Variants in KLC3 observed in about 807,000 individuals in gnomAD.
The protein encoded by KLC3 is kinesin light chain 2.
KLC3 carries 72 observed loss-of-function variants against 62.9 expected under a neutral mutation model. The ratio of observed to expected loss-of-function variants is 1.15; its 90% CI spans 0.95 to 1.39. The LOEUF (loss-of-function observed/expected upper bound fraction) is 1.39. Ranked by LOEUF, KLC3 falls within the 40% of genes most tolerant of loss-of-function variation. The pLI is 0.00. For synonymous variants in KLC3, 377 were observed against 300.5 expected, an observed-to-expected ratio of 1.25 and a Z score of -2.63; for missense variants, 848 against 691.6, an observed-to-expected ratio of 1.23 and a Z score of -2.54.
chr19:45,350,115 G>T, intron 8 of KLC3: 1 of 558,920 alleles, frequency 1.8e-6, no homozygotes, highest in Non-Finnish European at 3.2e-6. Context: ...GAAGGATACG[G>T]CCAGGTCAGC....
chr19:45,341,019 C>T (rs961184146), intron 1 of KLC3, among the ~76,000 whole-genome samples, 173 bp downstream of exon 1: 33 of 152,076 alleles, frequency 2.2e-4, no homozygotes, highest in African/African-American at 7.5e-4. Context: ...TCCCATGCCC[C>T]CCACCCCAGC....
chr19:45,347,645 T>C (rs1971535978), intron 4 of KLC3, 129 bp downstream of exon 4: 1 of 833,136 alleles, frequency 1.2e-6, no homozygotes, highest in East Asian at 2.6e-5. Flanking sequence ...GGACCCTGAA[T>C]GTGACAGTGC....
At chr19:45,348,250 C>A in intron 5 of KLC3, 90 bp downstream of exon 5, 1 of 1,210,640 alleles carries the variant, frequency 8.3e-7, no homozygotes, top group Non-Finnish European at 1.2e-6. Context: ...CCTCTGTCAC[C>A]ATGGAGCACC....
chr19:45,351,365 TGAAC>T lies in KLC3; in HGVS notation c.*9_*12del. 1 of 1,609,680 alleles carries T rather than the reference TGAAC, an allele frequency of 6.2e-7. No individual in the cohort carries two copies. Among genetic ancestry groups the T allele is most frequent in the Non-Finnish European group, 8.5e-7 (1 of 1,179,978 alleles). On this transcript the variant is annotated 3_prime_UTR_variant, in exon 13 of 13. Coordinates refer to ENST00000391946, the MANE Select transcript of KLC3 (RefSeq NM_177417.3). ...GACCTGAGCCCCCACTAACGTCCAG[TGAAC>T]TGCGCTGGCCGCAGCTTCTTGGGAA...
At chr19:45,342,976 G>C (rs1017339372) in intron 1 of KLC3, among the ~76,000 whole-genome samples, 1 of 152,164 alleles carries the variant, frequency 6.6e-6, no homozygotes, top group Non-Finnish European at 1.5e-5. Context: ...TGAAGTGTGC[G>C]AGAACGTGGC....
At chr19:45,348,552 G>T in intron 5 of KLC3, 94 bp from the exon 6 acceptor site, 1 of 1,261,300 alleles carries the variant, frequency 7.9e-7, no homozygotes, top group Non-Finnish European at 1.1e-6. Context: ...GTTCAGCCAG[G>T]TTCCCTGGGC....
Position 45,349,464 on chromosome 19 carries a change from G to T in KLC3, c.1005G>T (p.Gln335His), listed in dbSNP as rs376078212. 6.2e-7 allele frequency: 1 copy of T among 1,613,138 alleles called. No homozygotes were observed. Among genetic ancestry groups the T allele is most frequent in the African/African-American group, 1.3e-5 (1 of 74,914 alleles). Residue 335 changes from glutamine (Q) to histidine (H), a missense_variant, in exon 8 of 13, where the codon CAG (glutamine) becomes CAT (histidine). Coordinates refer to ENST00000391946, the MANE Select transcript of KLC3 (RefSeq NM_177417.3). The stretch of plus-strand genomic sequence containing the variant: ...CTGACCACCCAGATGTGGCCAAGCA[G>T]CTCAACAACCTGGCCCTGCTGTGCC... ...LGADHPDVAK[Q>H]LNNLALLCQN...
chr19:45,350,876 C>T (rs772438575), intron 11 of KLC3, 78 bp from the exon 12 acceptor site: 79 of 1,320,632 alleles, frequency 6.0e-5, no homozygotes, highest in Non-Finnish European at 7.7e-5. Flanking sequence ...ACAGATCAAA[C>T]CCTGTGCTGG....
Position 45,349,419 on chromosome 19 carries a change from T to G in KLC3, c.970-10T>G, listed in dbSNP as rs541470695. 3.1e-6 allele frequency: 5 copies of G among 1,596,698 alleles called. No individual in the cohort carries two copies. The South Asian group carries it at 4.5e-5, about 14-fold the overall frequency. On this transcript the variant is annotated splice_polypyrimidine_tract_variant and intron_variant, in intron 7 of 12. Transcript: ENST00000391946. The stretch of plus-strand genomic sequence containing the variant: ...TATGATCCCTCTGACTTGTGACCCC[T>G]GGCCCCCAGGTCCTGGGTGCTGACC...
At chr19:45,345,138 G>A in intron 1 of KLC3, 1 of 345,792 alleles carries the variant, frequency 2.9e-6, no homozygotes, top group Non-Finnish European at 5.3e-6. Context: ...AGGTCACACG[G>A]CCAACCGGGA....
intron 8 of KLC3, 24 bp from the exon 9 acceptor site, chr19:45,350,317 T>G: frequency 6.2e-7 from 1 of 1,604,168 alleles, no homozygotes; most frequent in Non-Finnish European, 8.5e-7. Flanking sequence ...TCCGAAAAGT[T>G]CCCAGACACT....
Position 45,345,817 on chromosome 19 carries a change from G to A in KLC3, c.258+18G>A. ...AGGCCCAGGTATGAGGGGGCCAGGT[G>A]GGGAGCTGGGGGAAGGTCAGCTGAG... On this transcript the variant is annotated intron_variant, in intron 2 of 12. Coordinates refer to ENST00000391946, the MANE Select transcript of KLC3 (RefSeq NM_177417.3). 6.5e-7 allele frequency: 1 copy of A among 1,537,388 alleles called. No homozygotes were observed. Among genetic ancestry groups the A allele is most frequent in the Non-Finnish European group, 8.7e-7 (1 of 1,142,958 alleles).
At position 45,345,642 on chromosome 19, in the gene KLC3, TG is replaced by T; in HGVS notation, c.103del (p.Glu35ArgfsTer37). 6.3e-7 allele frequency: 1 copy of T among 1,584,676 alleles called. No homozygotes were observed. Among genetic ancestry groups the T allele is most frequent in the African/African-American group, 1.3e-5 (1 of 74,628 alleles). On this transcript the variant is annotated frameshift_variant, in exon 2 of 13. Transcript: ENST00000391946. LOFTEE classifies it high-confidence loss of function. ...CAGACGCGGCAAGTGGTCCAGGGGC[TG>T]GAGGCGCTGCGGGCAGAGCACCATG... Reference protein sequence around the residue: ...VRQTRQVVQGLEALRAEHHGL... With the variant: ...VRQTRQVVQGXEALRAEHHGL...
chr19:45,345,891 G>A (rs553536391), intron 2 of KLC3, 92 bp downstream of exon 2: 2 of 1,228,476 alleles, frequency 1.6e-6, no homozygotes, highest in Admixed American at 4.2e-5. Context: ...AGGGGACTGG[G>A]AGAGGGTTCA....
intron 1 of KLC3, among the ~76,000 whole-genome samples, chr19:45,341,679 G>A (rs978332252): frequency 2.0e-5 from 3 of 151,690 alleles, no homozygotes; most frequent in Non-Finnish European, 4.4e-5. Flanking sequence ...GGGGCTGGGC[G>A]GAACTGTGTC....
chr19:45,342,309 G>T (rs2123173385), intron 1 of KLC3, among the ~76,000 whole-genome samples: 1 of 152,190 alleles, frequency 6.6e-6, no homozygotes, highest in South Asian at 2.1e-4. Context: ...AGATTGGCCG[G>T]GTGCAGTGGC....
At chr19:45,344,175 GTGTAAC>G (rs1971443324) in intron 1 of KLC3, among the ~76,000 whole-genome samples, 1 of 148,942 alleles carries the variant, frequency 6.7e-6, no homozygotes, top group Non-Finnish European at 1.5e-5. Context: ...GTGTGTGTGT[GTGTAAC>G]TGTATTTCTG....
chr19:45,348,482 G>A (rs1216304642), intron 5 of KLC3, among the ~76,000 whole-genome samples, 164 bp from the exon 6 acceptor site: 1 of 152,126 alleles, frequency 6.6e-6, no homozygotes, highest in Non-Finnish European at 1.5e-5. Context: ...CAGTGTTAGA[G>A]AATTGCGAAA....
Position 45,349,556 on chromosome 19 carries a change from T to G in KLC3, c.1097T>G (p.Leu366Arg), listed in dbSNP as rs746432044. The G allele has an allele frequency of 1.1e-5, 17 of 1,613,736 alleles. No individual in the cohort carries two copies. The highest frequency in any genetic ancestry group is 2.7e-5 in the African/African-American group (2 of 74,994). Reference sequence around the variant, plus strand: ...CGGGCCCTGAGCATCTATGAGGCACTGGGCGGGCCCCATGACCCCAACGTG... The same window carrying G: ...CGGGCCCTGAGCATCTATGAGGCACGGGGCGGGCCCCATGACCCCAACGTG... ...YARALSIYEA[L>R]GGPHDPNVAK... Residue 366 changes from leucine (L) to arginine (R), a missense_variant, in exon 8 of 13, where the codon CTG (leucine) becomes CGG (arginine). By Grantham distance (102) the Leu-to-Arg change is moderately radical (BLOSUM62 -2). Coordinates refer to ENST00000391946, the MANE Select transcript of KLC3 (RefSeq NM_177417.3).
Sources: allele counts gnomAD v4.1 joint callset (sites outside exome capture counted in the v4.1 genomes callset), GRCh38; gene constraint gnomAD v4.1.1; transcripts MANE v1.5; gene names NCBI Gene and HGNC (gene_info 2026-07-23, HGNC 2026-07-21).